CCDC88C: variants seen among roughly 807,000 people sequenced by gnomAD.
CCDC88C encodes coiled-coil and HOOK domain protein 88C.
Under a neutral mutation model 198.8 loss-of-function variants are expected in CCDC88C, and 131 were observed. The observed-to-expected ratio is 0.66, with a 90% CI of 0.57 to 0.76. CCDC88C has a LOEUF of 0.76. CCDC88C is among the 30% of genes least tolerant of loss of function. CCDC88C has a pLI of 0.00. For synonymous variants in CCDC88C, 1,166 were observed against 1,114.7 expected (o/e 1.05, Z -0.92); for missense variants, 2,553 against 2,631.6 (o/e 0.97, Z 0.65).
At position 91,326,037 on chromosome 14, in the gene CCDC88C, A is replaced by C; in HGVS notation, c.1070T>G (p.Ile357Ser). 2 of 1,609,400 alleles carry C rather than the reference A, an allele frequency of 1.2e-6. No homozygotes were observed. The highest frequency in any genetic ancestry group is 1.7e-6 in the Non-Finnish European group (2 of 1,177,784). The change falls in exon 11 of 30, where the codon ATC (isoleucine) becomes AGC (serine). Residue 357 changes from isoleucine (I) to serine (S), a missense_variant. Physicochemically the swap from Ile to Ser is moderately radical, Grantham distance 142. Coordinates refer to ENST00000389857, the MANE Select transcript of CCDC88C (RefSeq NM_001080414.4). ...ARMEELREDNIILIETKAMLE... is the reference protein window; with the variant it reads ...ARMEELREDNSILIETKAMLE... ...CATGGCCTTGGTTTCAATTAAAATG[A>C]TATTATCTTCTCTCAGCTCCTGGTT...
In CCDC88C at chr14:91,300,061, G is replaced by A. The variant is rs756091775; in HGVS notation, c.3645C>T (p.Asp1215=). ...EHKELGERHG[D]MLKRKAELEE... is the part of the protein sequence containing the mutation. The stretch of plus-strand genomic sequence containing the variant: ...CCAGCTCCGCCTTGCGCTTCAGCAT[G>A]TCACCGTGCCTGTTGGAGGGAAGCA... Residue 1215 remains aspartate (D), a synonymous_variant, in exon 21 of 30, where the codon GAC becomes GAT. Coordinates refer to ENST00000389857, the MANE Select transcript of CCDC88C (RefSeq NM_001080414.4). 1 of 1,608,210 alleles carries A rather than the reference G, an allele frequency of 6.2e-7. No individual in the cohort carries two copies. Among genetic ancestry groups the A allele is most frequent in the Non-Finnish European group, 8.5e-7 (1 of 1,177,776 alleles).
intron 27 of CCDC88C, among the ~76,000 whole-genome samples, chr14:91,280,864 A>G (rs1320962109): frequency 6.6e-6 from 1 of 152,206 alleles, no homozygotes; most frequent in African/African-American, 2.4e-5. Flanking sequence ...GCCAGCTCCT[A>G]CACTTACCGA....
intron 3 of CCDC88C, among the ~76,000 whole-genome samples, chr14:91,361,206 A>C (rs1018837590): frequency 1.3e-5 from 2 of 152,162 alleles, no homozygotes; most frequent in Admixed American, 1.3e-4. Flanking sequence ...ACAAGTGGCC[A>C]CTATAGAAAT....
chr14:91,360,646 G>A (rs975833828), intron 3 of CCDC88C, among the ~76,000 whole-genome samples: 2 of 152,184 alleles, frequency 1.3e-5, no homozygotes, highest in Middle Eastern at 3.2e-3. Flanking sequence ...GGGCACAGGC[G>A]ATGAGCTGCC....
At position 91,339,842 on chromosome 14, in the gene CCDC88C, G is replaced by A; in HGVS notation, c.624+42C>T. On this transcript the variant is annotated intron_variant, in intron 7 of 29. Transcript: ENST00000389857. The surrounding 1 kb of genome is among the most constrained non-coding windows in gnomAD (Gnocchi z 5.8). ...AGGGAGAGGAGATGAAGGGGCCTAAGCCCCTTCCCAGGCTGACCGGGCCAC... is the reference window on the plus strand; with the variant it reads ...AGGGAGAGGAGATGAAGGGGCCTAAACCCCTTCCCAGGCTGACCGGGCCAC... The A allele has an allele frequency of 6.5e-7, 1 of 1,545,780 alleles. No individual in the cohort carries two copies. Among genetic ancestry groups the A allele is most frequent in the African/African-American group, 1.4e-5 (1 of 73,004 alleles).
intron 14 of CCDC88C, among the ~76,000 whole-genome samples, chr14:91,314,463 G>A (rs1008310719): frequency 6.6e-6 from 1 of 152,224 alleles, no homozygotes; most frequent in Non-Finnish European, 1.5e-5. Context: ...CACCTCTGCA[G>A]CCTCTGCTTA....
intron 10 of CCDC88C, among the ~76,000 whole-genome samples, chr14:91,331,005 T>C (rs1892801458): frequency 6.7e-6 from 1 of 149,942 alleles, no homozygotes; most frequent in African/African-American, 2.5e-5. Flanking sequence ...GAGTGGAAGC[T>C]CAGGGAGGAA....
At chr14:91,401,281 A>G (rs1886174556) in intron 3 of CCDC88C, among the ~76,000 whole-genome samples, 2 of 143,418 alleles carry the variant, frequency 1.4e-5, no homozygotes, top group East Asian at 2.0e-4. Context: ...TATATTATAT[A>G]TTATATACAT....
chr14:91,309,826 C>A (rs373466177), intron 16 of CCDC88C, 33 bp downstream of exon 16: 2 of 1,590,074 alleles, frequency 1.3e-6, no homozygotes, highest in East Asian at 4.5e-5. Context: ...AGGAAGTGCT[C>A]CCACGATGGG....
At chr14:91,337,756 G>T (rs1893112331) in intron 10 of CCDC88C, among the ~76,000 whole-genome samples, 1 of 152,226 alleles carries the variant, frequency 6.6e-6, no homozygotes. Flanking sequence ...TGAGGTGGGG[G>T]CAGGAGAAAC....
chr14:91,408,739 T>C lies in CCDC88C; in HGVS notation c.190A>G (p.Asn64Asp), dbSNP rs1189191638. Residue 64 changes from asparagine to aspartate, a missense_variant, in exon 3 of 30, where the codon AAT becomes GAT. Asn to Asp is a conservative substitution (Grantham distance 23). Around this residue, in one of 2 missense-constraint regions of CCDC88C, gnomAD observed 1,260 missense variants for 1,412.0 expected, o/e 0.89. Coordinates refer to ENST00000389857, the MANE Select transcript of CCDC88C (RefSeq NM_001080414.4). ...TTCACATCATTGTTGACGTGCTTAT[T>C]GATGCGTTGATTTGTGGGCCTGGGA... ...IDPRPTNQRI[N>D]KHVNNDVNLR... is the part of the protein sequence containing the mutation. 5 of 1,613,854 alleles carry C rather than the reference T, an allele frequency of 3.1e-6. No homozygotes were observed. The East Asian group carries it at 8.9e-5, about 29-fold the overall frequency.
At chr14:91,369,090 G>A (rs896499558) in intron 3 of CCDC88C, among the ~76,000 whole-genome samples, 3 of 152,318 alleles carry the variant, frequency 2.0e-5, no homozygotes, top group Non-Finnish European at 2.9e-5. Context: ...GAGCAAGACC[G>A]GGGTTGGAAC....
At chr14:91,285,628 G>A (rs1890370921) in intron 25 of CCDC88C, 1 of 1,252,222 alleles carries the variant, frequency 8.0e-7, no homozygotes, top group Non-Finnish European at 1.0e-6. Flanking sequence ...TTTCGGAAAT[G>A]AAGGAGGGTA....
Position 91,278,012 on chromosome 14 carries a change from G to A in CCDC88C, c.4968C>T (p.Val1656=), listed in dbSNP as rs374587644. ...GGGAGGCCGAGCAGGGCCGCACTCC[G>A]ACGTAGGGAGGGGCTGTGCCCCTCT... The part of the protein sequence containing the change: ...AQKRGTAPPY[V]GVRPCSASPS... Residue 1656 remains valine (V), a synonymous_variant, in exon 29 of 30, where the codon GTC becomes GTT. Coordinates refer to ENST00000389857, the MANE Select transcript of CCDC88C (RefSeq NM_001080414.4). 4.5e-5 allele frequency: 72 copies of A among 1,591,878 alleles called. No homozygotes were observed. The Middle Eastern group carries it at 8.3e-4, about 18-fold the overall frequency.
At chr14:91,315,575 G>A (rs145421429) in intron 14 of CCDC88C, 75 bp downstream of exon 14, 1 of 1,528,782 alleles carries the variant, frequency 6.5e-7, no homozygotes, top group Non-Finnish European at 9.0e-7. Context: ...TACAGTACCA[G>A]GAATGGCTGT....
chr14:91,273,332 G>A lies in CCDC88C; in HGVS notation c.5380C>T (p.Pro1794Ser). 4 of 1,550,746 alleles carry A rather than the reference G, an allele frequency of 2.6e-6. No individual in the cohort carries two copies. Among genetic ancestry groups the A allele is most frequent in the Non-Finnish European group, 3.5e-6 (4 of 1,146,144 alleles). Residue 1794 changes from proline (P) to serine (S), a missense_variant, in exon 30 of 30, where the codon CCT becomes TCT. Transcript: ENST00000389857. The surrounding 1 kb of genome is among the most constrained non-coding windows in gnomAD (Gnocchi z 5.6). ...QAPVPPASHA[P>S]ASRSASLSRA... The stretch of plus-strand genomic sequence containing the variant: ...CTCAAGGAGGCACTGCGGCTGGCAG[G>A]TGCATGGGAAGCTGGGGGCACCGGA...
In CCDC88C at chr14:91,384,157, C is replaced by T. The variant is rs561366887; in HGVS notation, c.271-24446G>A. On this transcript the variant is annotated intron_variant, in intron 3 of 29. Transcript: ENST00000389857. ...TTATCCAAAAACTCTCAGGTGGAGG[C>T]TAGGCGTGGTGGCTCACATCTGTAA... Among the ~76,000 whole-genome samples the T allele has an allele frequency of 3.9e-5, 6 of 152,254 alleles. No homozygotes were observed. In the South Asian group the frequency reaches 1.2e-3, roughly 32 times the overall value.
At chr14:91,307,748 G>A (rs1404494373) in intron 17 of CCDC88C, among the ~76,000 whole-genome samples, 1 of 152,190 alleles carries the variant, frequency 6.6e-6, no homozygotes, top group Non-Finnish European at 1.5e-5. Flanking sequence ...CGTGTCGGGT[G>A]TGTACACCTG....
intron 3 of CCDC88C, among the ~76,000 whole-genome samples, chr14:91,366,760 G>A (rs1243635937): frequency 6.6e-6 from 1 of 152,194 alleles, no homozygotes; most frequent in Non-Finnish European, 1.5e-5. Context: ...AGGGGGACGG[G>A]GTCCTGGGCG....
Sources: allele counts gnomAD v4.1 joint callset (sites outside exome capture counted in the v4.1 genomes callset), GRCh38; gene constraint gnomAD v4.1.1; regional missense constraint gnomAD v4.1.1; non-coding constraint Gnocchi (gnomAD v3.1); transcripts MANE v1.5; gene names NCBI Gene and HGNC (gene_info 2026-07-23, HGNC 2026-07-21).